HIVEP2: variants seen among roughly 807,000 people sequenced by gnomAD.
HIVEP2 encodes the protein HIVEP zinc finger 2.
Under a neutral mutation model 180.7 loss-of-function variants are expected in HIVEP2, and 14 were observed. The observed-to-expected ratio is 0.08, with a 90% confidence interval of 0.05 to 0.12. HIVEP2 has a LOEUF of 0.12. HIVEP2 is among the 10% of genes least tolerant of loss of function. The pLI is 1.00. For missense variants in HIVEP2, 2,579 were observed against 3,008.5 expected (o/e 0.86, Z 3.34); for synonymous variants, 1,184 against 1,136.4 (o/e 1.04, Z -0.84).
chr6:142,926,538 A>G lies in HIVEP2; in HGVS notation c.-641+18561T>C, dbSNP rs75399153. Reference sequence around the variant, plus strand: ...GAAAGAGCGTATATTCTATCCGGGCAATGACAAACGGACTCAGGCCTCCTG... The same window carrying G: ...GAAAGAGCGTATATTCTATCCGGGCGATGACAAACGGACTCAGGCCTCCTG... On this transcript the variant is annotated intron_variant, in intron 1 of 9. Coordinates refer to ENST00000367603, the MANE Select transcript of HIVEP2 (RefSeq NM_006734.4). Among the ~76,000 whole-genome samples, 1,892 of 152,336 alleles carry G rather than the reference A, an allele frequency of 0.012. 87 individuals carry two copies. In the East Asian group the frequency reaches 0.17, roughly 14 times the overall value.
intron 9 of HIVEP2, among the ~76,000 whole-genome samples, chr6:142,758,832 C>T (rs774432666): frequency 6.6e-6 from 1 of 152,074 alleles, no homozygotes; most frequent in Non-Finnish European, 1.5e-5. Context: ...TTCCCGTTCT[C>T]CTTGGGCCCA....
intron 2 of HIVEP2, among the ~76,000 whole-genome samples, chr6:142,787,106 T>C (rs1181035423): frequency 1.3e-5 from 2 of 151,600 alleles, no homozygotes; most frequent in African/African-American, 2.4e-5. Flanking sequence ...TAAAAAAAAA[T>C]TTAAGCAGGT....
At chr6:142,847,208 T>G (rs1775536359) in intron 1 of HIVEP2, among the ~76,000 whole-genome samples, 1 of 152,168 alleles carries the variant, frequency 6.6e-6, no homozygotes, top group African/African-American at 2.4e-5. Context: ...ACTAATCTGG[T>G]GCGGGGAATG....
chr6:142,891,286 T>A (rs1027512223), intron 1 of HIVEP2, among the ~76,000 whole-genome samples: 4 of 152,120 alleles, frequency 2.6e-5, no homozygotes, highest in African/African-American at 4.8e-5. Context: ...AATTTCCTAC[T>A]GTTTCTCATT....
At chr6:142,821,090 C>T (rs1379337244) in intron 2 of HIVEP2, among the ~76,000 whole-genome samples, 1 of 152,084 alleles carries the variant, frequency 6.6e-6, no homozygotes, top group East Asian at 1.9e-4. Flanking sequence ...CAGAGTCAAT[C>T]CAAATCTAGC....
chr6:142,848,995 C>A (rs1227728887), intron 1 of HIVEP2, among the ~76,000 whole-genome samples: 2 of 152,260 alleles, frequency 1.3e-5, no homozygotes, highest in Non-Finnish European at 1.5e-5. Context: ...TAATATCTAA[C>A]CACTTATACA....
chr6:142,795,530 T>C (rs1279744337), intron 2 of HIVEP2, among the ~76,000 whole-genome samples: 1 of 152,212 alleles, frequency 6.6e-6, no homozygotes, highest in Admixed American at 6.5e-5. Flanking sequence ...CTGGTTTCAC[T>C]GAGGGCCTTA....
At chr6:142,807,408 G>A (rs980525226) in intron 2 of HIVEP2, among the ~76,000 whole-genome samples, 1 of 152,146 alleles carries the variant, frequency 6.6e-6, no homozygotes, top group Admixed American at 6.5e-5. Flanking sequence ...TGGCCTGAAG[G>A]GGGCATTCTA....
intron 2 of HIVEP2, among the ~76,000 whole-genome samples, chr6:142,784,014 T>A (rs1775923112): frequency 6.6e-6 from 1 of 152,220 alleles, no homozygotes; most frequent in Non-Finnish European, 1.5e-5. Context: ...AATTTGTTTC[T>A]ATAGTTTATT....
rs80033603 is a variant in HIVEP2 at position 142,812,046 on chromosome 6, C to G, written c.-528+24889G>C. On this transcript the variant is annotated intron_variant, in intron 2 of 9. Coordinates refer to ENST00000367603, the MANE Select transcript of HIVEP2 (RefSeq NM_006734.4). ...CAGCAGCTGGCCTGGAGAGAGTGTT[C>G]AGGCCATGGCCTAGGAAAGGGTGAC... Among the ~76,000 whole-genome samples the G allele has an allele frequency of 5.4e-3, 817 of 152,288 alleles. 9 individuals are homozygous for G. The highest frequency in any genetic ancestry group is 0.019 in the African/African-American group (772 of 41,556).
intron 1 of HIVEP2, among the ~76,000 whole-genome samples, chr6:142,859,834 C>CAAAAAAAAAAAAAAAAAAA (rs56853043): frequency 1.4e-5 from 1 of 73,610 alleles, no homozygotes; most frequent in African/African-American, 5.1e-5. Flanking sequence ...AACTCCGTCT[C>CAAAAAAAAAAAAAAAAAAA]AAAAAAAAAA....
chr6:142,910,341 G>A (rs554055732), intron 1 of HIVEP2, among the ~76,000 whole-genome samples: 4 of 152,316 alleles, frequency 2.6e-5, no homozygotes, highest in East Asian at 1.9e-4. Flanking sequence ...GGTGGCTTGC[G>A]CCTGTAATCC....
chr6:142,898,258 G>A (rs1777048302), intron 1 of HIVEP2, among the ~76,000 whole-genome samples: 1 of 152,180 alleles, frequency 6.6e-6, no homozygotes, highest in Non-Finnish European at 1.5e-5. Context: ...ACCTAAGAAT[G>A]CACAGGTGAT....
rs1775653752 is a variant in HIVEP2, at chr6:142,774,782, G to A, written c.-44C>T. The A allele has an allele frequency of 1.3e-6, 2 of 1,589,558 alleles. No individual in the cohort carries two copies. The highest frequency in any genetic ancestry group is 2.7e-5 in the African/African-American group (2 of 74,398). On this transcript the variant is annotated 5_prime_UTR_variant, in exon 5 of 10. Coordinates refer to ENST00000367603, the MANE Select transcript of HIVEP2 (RefSeq NM_006734.4). The surrounding 1 kb of genome is among the most constrained non-coding windows in gnomAD (Gnocchi z 5.1). Reference sequence around the variant, plus strand: ...AAGTGCTAGTTCCCCTGAAAGCAGTGCAGACTCATGGAGTGTCTCCAAAGC... The same window carrying A: ...AAGTGCTAGTTCCCCTGAAAGCAGTACAGACTCATGGAGTGTCTCCAAAGC...
intron 1 of HIVEP2, among the ~76,000 whole-genome samples, chr6:142,922,783 AT>A (rs1777713553): frequency 6.6e-6 from 1 of 152,202 alleles, no homozygotes; most frequent in African/African-American, 2.4e-5. Context: ...CTCAATAAGA[AT>A]TATGACATGT....
intron 1 of HIVEP2, among the ~76,000 whole-genome samples, chr6:142,891,978 C>A (rs980896018): frequency 6.6e-6 from 1 of 152,100 alleles, no homozygotes; most frequent in Non-Finnish European, 1.5e-5. Flanking sequence ...CTATGTCCAG[C>A]CAGTAAAAAC....
intron 1 of HIVEP2, among the ~76,000 whole-genome samples, chr6:142,901,151 T>C (rs1244723062): frequency 2.0e-5 from 3 of 152,198 alleles, no homozygotes; most frequent in African/African-American, 7.2e-5. Flanking sequence ...AATCAATATG[T>C]CAAAACTTGA....
At chr6:142,805,774 A>C (rs1043234379) in intron 2 of HIVEP2, among the ~76,000 whole-genome samples, 5 of 152,102 alleles carry the variant, frequency 3.3e-5, no homozygotes, top group African/African-American at 1.2e-4. Context: ...CAAGGGCCTA[A>C]TTTGGAGGGC....
intron 1 of HIVEP2, among the ~76,000 whole-genome samples, chr6:142,933,942 G>C (rs897213505): frequency 1.3e-5 from 2 of 152,168 alleles, no homozygotes; most frequent in Non-Finnish European, 2.9e-5. Context: ...CCTTTTGTTT[G>C]AATGTGGGTA....
Sources: gnomAD v4.1 joint callset for allele counts (sites outside exome capture counted in the v4.1 genomes callset) on GRCh38, gnomAD v4.1.1 for gene constraint, Gnocchi (gnomAD v3.1) non-coding constraint, MANE v1.5 for transcripts, NCBI Gene and HGNC (gene_info 2026-07-23, HGNC 2026-07-21) for gene names.